FAM184A: variants seen among roughly 807,000 people sequenced by gnomAD.
FAM184A encodes the protein family with sequence similarity 184 member A.
Under a neutral mutation model 143.8 loss-of-function variants are expected in FAM184A, and 99 were observed. The ratio of observed to expected loss-of-function variants is 0.69; its 90% CI spans 0.58 to 0.81. The LOEUF (loss-of-function observed/expected upper bound fraction) is 0.81, where lower values mean the gene tolerates loss of function less well. Ranked by LOEUF, FAM184A falls within the 40% of genes least tolerant of loss-of-function variation. The probability of loss-of-function intolerance (pLI) is 0.00; values close to 1 mark genes in which losing one functional copy is unlikely to be tolerated. For synonymous variants in FAM184A, 427 were observed against 446.4 expected (o/e 0.96, Z 0.55); for missense variants, 1,217 against 1,310.5 (o/e 0.93, Z 1.10).
chr6:119,012,062 A>G (rs991188393), intron 5 of FAM184A, among the ~76,000 whole-genome samples: 1 of 152,172 alleles, frequency 6.6e-6, no homozygotes, highest in Non-Finnish European at 1.5e-5. Context: ...GGAACTAATA[A>G]CGTCTAGCTT....
intron 1 of FAM184A, among the ~76,000 whole-genome samples, chr6:119,092,485 GTATAA>G (rs1312920939): frequency 6.6e-6 from 1 of 152,126 alleles, no homozygotes; most frequent in East Asian, 1.9e-4. Flanking sequence ...ATGGAGTACA[GTATAA>G]TATTTCAATA....
chr6:118,969,314 T>C (rs752534097), intron 14 of FAM184A, among the ~76,000 whole-genome samples: 1 of 152,274 alleles, frequency 6.6e-6, no homozygotes, highest in East Asian at 1.9e-4. Context: ...TAATACAATA[T>C]TTTTACATCA....
At chr6:119,032,967 C>T (rs1195288856) in intron 1 of FAM184A, among the ~76,000 whole-genome samples, 5 of 152,138 alleles carry the variant, frequency 3.3e-5, no homozygotes, top group Admixed American at 3.3e-4. Context: ...CTGCCAGAGG[C>T]TATTCTATCG....
intron 4 of FAM184A, among the ~76,000 whole-genome samples, chr6:119,017,762 T>C (rs1429282473): frequency 1.3e-5 from 2 of 152,186 alleles, no homozygotes; most frequent in Non-Finnish European, 2.9e-5. Context: ...ACCTCCAATG[T>C]TGGAGATGTG....
At chr6:119,105,805 A>G (rs1279554809) in intron 1 of FAM184A, among the ~76,000 whole-genome samples, 1 of 152,232 alleles carries the variant, frequency 6.6e-6, no homozygotes, top group Non-Finnish European at 1.5e-5. Flanking sequence ...CATTTAGAAA[A>G]CCATACGCAT....
At chr6:118,975,739 G>A (rs1488366779) in intron 12 of FAM184A, among the ~76,000 whole-genome samples, 178 bp downstream of exon 12, 6 of 152,122 alleles carry the variant, frequency 3.9e-5, no homozygotes, top group African/African-American at 1.4e-4. Flanking sequence ...CAGCCTCAGT[G>A]ACAAAGCGAG....
intron 1 of FAM184A, among the ~76,000 whole-genome samples, chr6:119,040,336 G>A (rs551312320): frequency 6.6e-6 from 1 of 152,308 alleles, no homozygotes; most frequent in East Asian, 1.9e-4. Flanking sequence ...CTAGTGGTAA[G>A]AGATTTCTAT....
chr6:119,082,355 G>A (rs1480988331), upstream of FAM184A, among the ~76,000 whole-genome samples: 5 of 152,108 alleles, frequency 3.3e-5, no homozygotes, highest in Non-Finnish European at 7.4e-5. Flanking sequence ...TCAAAACACA[G>A]TCATGCCTTC....
At chr6:118,990,558 T>C (rs1784345088) in intron 9 of FAM184A, among the ~76,000 whole-genome samples, 1 of 146,278 alleles carries the variant, frequency 6.8e-6, no homozygotes, top group Non-Finnish European at 1.5e-5. Flanking sequence ...ATAACTGAAG[T>C]AACCTTTTTC....
At chr6:119,131,034 T>G (rs1789521905) in intron 1 of FAM184A, among the ~76,000 whole-genome samples, 1 of 151,960 alleles carries the variant, frequency 6.6e-6, no homozygotes, top group Admixed American at 6.6e-5. Context: ...AATTTTTGTA[T>G]TTTTAGCAGA....
chr6:119,092,043 G>A (rs1788382533), intron 1 of FAM184A, among the ~76,000 whole-genome samples: 2 of 152,186 alleles, frequency 1.3e-5, no homozygotes, highest in East Asian at 3.9e-4. Context: ...CTCAGTGATG[G>A]ATGTTCTCCA....
In FAM184A at chr6:119,022,991, G is replaced by T. The variant is rs1785501998; in HGVS notation, c.1104C>A (p.Ala368=). The change falls in exon 3 of 18, where the codon GCC becomes GCA. Residue 368 remains alanine, a synonymous_variant. Coordinates refer to ENST00000338891, the MANE Select transcript of FAM184A (RefSeq NM_024581.6). The part of the protein sequence containing the change: ...HKEVESELAA[A]RERLQQQASD... Reference sequence around the variant, plus strand: ...AAGCTTGCTGTTGTAAACGTTCTCTGGCAGCTGCTAGCTCACTTTCCACTT... The same window carrying T: ...AAGCTTGCTGTTGTAAACGTTCTCTTGCAGCTGCTAGCTCACTTTCCACTT... 4 of 1,614,110 alleles carry T rather than the reference G, an allele frequency of 2.5e-6. No individual in the cohort carries two copies. In the East Asian group the frequency reaches 8.9e-5, roughly 36 times the overall value.
chr6:119,001,523 G>C (rs1456253974), intron 9 of FAM184A, among the ~76,000 whole-genome samples: 2 of 151,858 alleles, frequency 1.3e-5, no homozygotes, highest in Non-Finnish European at 2.9e-5. Context: ...AAAGCATTAG[G>C]TCCTCTCAGG....
chr6:118,975,840 A>G, intron 12 of FAM184A, 77 bp downstream of exon 12: 1 of 1,390,690 alleles, frequency 7.2e-7, no homozygotes, highest in Admixed American at 2.1e-5. Flanking sequence ...TTATTACAAA[A>G]TAATTTTCAG....
At position 118,979,438 on chromosome 6, in the gene FAM184A, G is replaced by A. The variant is rs1285578792; in HGVS notation, c.2382C>T (p.Gly794=). 1.2e-6 allele frequency: 2 copies of A among 1,613,560 alleles called. No homozygotes were observed. Among genetic ancestry groups the A allele is most frequent in the African/African-American group, 1.3e-5 (1 of 74,882 alleles). The part of the protein sequence containing the change: ...LKDAHRESME[G]FRIEMEQELQ... The stretch of plus-strand genomic sequence containing the variant: ...GTTCCTGTTCCATTTCTATCCGGAA[G>A]CCCTCCATTGACTCTCTGTGTGCAT... Residue 794 remains glycine, a synonymous_variant, in exon 11 of 18, where the codon GGC becomes GGT. Transcript: ENST00000338891.
At chr6:119,112,093 T>C (rs1350562757) in intron 1 of FAM184A, among the ~76,000 whole-genome samples, 1 of 152,104 alleles carries the variant, frequency 6.6e-6, no homozygotes, top group African/African-American at 2.4e-5. Context: ...TTATTATACA[T>C]AGAGTGTGGG....
At chr6:118,989,159 C>T (rs1784284761) in intron 9 of FAM184A, among the ~76,000 whole-genome samples, 1 of 151,872 alleles carries the variant, frequency 6.6e-6, no homozygotes, top group Non-Finnish European at 1.5e-5. Flanking sequence ...GATGGGGTTT[C>T]ACCATGTTAG....
At chr6:119,087,746 G>A (rs1788257547) in intron 1 of FAM184A, among the ~76,000 whole-genome samples, 1 of 152,136 alleles carries the variant, frequency 6.6e-6, no homozygotes, top group South Asian at 2.1e-4. Context: ...TCACCTCTAA[G>A]TATATACCCA....
chr6:118,978,307 GGACTA>G (rs1319978825), intron 11 of FAM184A, among the ~76,000 whole-genome samples: 1 of 152,156 alleles, frequency 6.6e-6, no homozygotes, highest in Non-Finnish European at 1.5e-5. Flanking sequence ...ATGTTTCAAT[GGACTA>G]AACAACAATA....
Sources: gnomAD v4.1 joint callset for allele counts (sites outside exome capture counted in the v4.1 genomes callset) on GRCh38, gnomAD v4.1.1 for gene constraint, MANE v1.5 for transcripts, NCBI Gene and HGNC (gene_info 2026-07-23, HGNC 2026-07-21) for gene names.